SEMA3D: variants seen among roughly 807,000 people sequenced by gnomAD.
SEMA3D encodes the protein semaphorin-3D.
Under a neutral mutation model 100.1 loss-of-function variants are expected in SEMA3D, and 84 were observed. The ratio of observed to expected loss-of-function variants is 0.84; its 90% confidence interval spans 0.70 to 1.01. The LOEUF (loss-of-function observed/expected upper bound fraction) is 1.01, where lower values mean the gene tolerates loss of function less well. SEMA3D is among the 50% of genes least tolerant of loss of function. SEMA3D has a pLI of 0.00. For missense variants in SEMA3D, 875 were observed against 934.1 expected (o/e 0.94, Z 0.82); for synonymous variants, 312 against 320.7 (o/e 0.97, Z 0.29).
chr7:85,152,680 C>A (rs1029500483), intron 2 of SEMA3D, among the ~76,000 whole-genome samples: 4 of 152,036 alleles, frequency 2.6e-5, no homozygotes, highest in African/African-American at 9.7e-5. Flanking sequence ...GATGAATAAT[C>A]TCATCAAAAT....
intron 3 of SEMA3D, among the ~76,000 whole-genome samples, chr7:85,114,971 TA>T (rs570621552): frequency 5.9e-5 from 9 of 152,152 alleles, no homozygotes; most frequent in African/African-American, 2.2e-4. Flanking sequence ...CAATTGACTT[TA>T]AAAAAATAAG....
chr7:85,063,094 G>A (rs903775229), intron 8 of SEMA3D, among the ~76,000 whole-genome samples: 4 of 152,180 alleles, frequency 2.6e-5, no homozygotes, highest in African/African-American at 7.2e-5. Context: ...TAGACTTCCC[G>A]ATATGATTTA....
At chr7:85,103,738 A>G (rs1200032061) in intron 3 of SEMA3D, among the ~76,000 whole-genome samples, 1 of 152,088 alleles carries the variant, frequency 6.6e-6, no homozygotes, top group Non-Finnish European at 1.5e-5. Flanking sequence ...CTAGCAACAC[A>G]GTTTTGGAAA....
intron 2 of SEMA3D, chr7:85,144,242 T>G (rs1296046113): frequency 6.3e-6 from 1 of 157,768 alleles, no homozygotes; most frequent in Admixed American, 6.5e-5. Context: ...AAAAATTGGT[T>G]TGTATTCTGA....
chr7:85,165,623 T>C (rs1162223989), intron 1 of SEMA3D, among the ~76,000 whole-genome samples: 1 of 152,110 alleles, frequency 6.6e-6, no homozygotes, highest in African/African-American at 2.4e-5. Context: ...TCACCCACAA[T>C]AGTTTCATCA....
At chr7:85,138,497 G>T (rs1789929167) in intron 2 of SEMA3D, among the ~76,000 whole-genome samples, 1 of 149,970 alleles carries the variant, frequency 6.7e-6, no homozygotes, top group African/African-American at 2.5e-5. Context: ...TTTTTGTTTT[G>T]CTTTTTGATT....
chr7:85,031,194 T>C (rs1029160375), intron 12 of SEMA3D, among the ~76,000 whole-genome samples: 2 of 151,996 alleles, frequency 1.3e-5, no homozygotes, highest in Non-Finnish European at 2.9e-5. Flanking sequence ...ACACTGAAAG[T>C]TGTAGTGTTT....
intron 3 of SEMA3D, among the ~76,000 whole-genome samples, chr7:85,118,958 A>G (rs1018598440): frequency 1.1e-4 from 16 of 152,184 alleles, no homozygotes; most frequent in African/African-American, 3.6e-4. Context: ...GGACATGAAC[A>G]GACACTTTTC....
At chr7:85,065,366 C>T (rs1791585965) in intron 8 of SEMA3D, 58 bp downstream of exon 8, 2 of 1,486,708 alleles carry the variant, frequency 1.3e-6, no homozygotes, top group African/African-American at 1.4e-5. Context: ...TAATACACTT[C>T]TTATCTATCT....
chr7:85,208,370 G>T, the SEMA3D span, among the ~76,000 whole-genome samples: 1 of 151,824 alleles, frequency 6.6e-6, no homozygotes, highest in Non-Finnish European at 1.5e-5. Context: ...ATAACTGCAG[G>T]AATAAAGAAG....
At chr7:85,163,862 A>T (rs191423243) in intron 1 of SEMA3D, among the ~76,000 whole-genome samples, 9 of 152,266 alleles carry the variant, frequency 5.9e-5, no homozygotes, top group East Asian at 3.9e-4. Context: ...ATTTTTGCCA[A>T]TCTTTCAAAT....
At position 85,182,616 on chromosome 7, in the gene SEMA3D, C is replaced by A. The variant is rs142297581; in HGVS notation, c.-173+4062G>T. ...GTTTGAAAATAGACTATTAGCTTGA[C>A]AGGTATGGCAAATGTATAAAAATTA... On this transcript the variant is annotated intron_variant, in intron 1 of 18. Transcript: ENST00000284136. Among the ~76,000 whole-genome samples, 922 of 152,210 alleles carry A rather than the reference C, an allele frequency of 6.1e-3. 14 individuals carry two copies. Among genetic ancestry groups the A allele is most frequent in the African/African-American group, 0.021 (871 of 41,554 alleles).
intron 1 of SEMA3D, among the ~76,000 whole-genome samples, chr7:85,168,194 C>A (rs1047987679): frequency 1.3e-5 from 2 of 151,754 alleles, no homozygotes; most frequent in Non-Finnish European, 2.9e-5. Context: ...CCCATCTCTA[C>A]CTACAGAGCC....
chr7:85,222,038 C>G, the SEMA3D span, among the ~76,000 whole-genome samples: 4 of 151,998 alleles, frequency 2.6e-5, no homozygotes, highest in African/African-American at 9.7e-5. Flanking sequence ...ATTTAGCTGT[C>G]TATTCTCAAG....
the SEMA3D span, among the ~76,000 whole-genome samples, chr7:85,201,930 G>A: frequency 6.6e-6 from 1 of 151,840 alleles, no homozygotes; most frequent in Non-Finnish European, 1.5e-5. Flanking sequence ...GTGTTGCCCA[G>A]ACTGGTCTAG....
At chr7:85,033,577 G>A (rs925444099) in intron 12 of SEMA3D, among the ~76,000 whole-genome samples, 7 of 151,828 alleles carry the variant, frequency 4.6e-5, no homozygotes, top group Non-Finnish European at 1.0e-4. Context: ...TCAACTGCTG[G>A]GTCTACATAT....
intron 5 of SEMA3D, among the ~76,000 whole-genome samples, chr7:85,080,415 T>A (rs1453706308): frequency 6.6e-6 from 1 of 152,172 alleles, no homozygotes; most frequent in East Asian, 1.9e-4. Flanking sequence ...TTCTATCACA[T>A]TGATAGAGGA....
chr7:85,116,136 T>C (rs991334029), intron 3 of SEMA3D, among the ~76,000 whole-genome samples: 1 of 151,156 alleles, frequency 6.6e-6, no homozygotes, highest in African/African-American at 2.4e-5. Context: ...CTTTACCCTA[T>C]ATAAACTTGT....
the SEMA3D span, among the ~76,000 whole-genome samples, chr7:85,223,768 G>T: frequency 6.6e-6 from 1 of 152,060 alleles, no homozygotes; most frequent in Non-Finnish European, 1.5e-5. Context: ...TCTGGGAGGG[G>T]TGAGGGGGGT....
Sources: gnomAD v4.1 joint callset for allele counts (sites outside exome capture counted in the v4.1 genomes callset) on GRCh38, gnomAD v4.1.1 for gene constraint, MANE v1.5 for transcripts, NCBI Gene and HGNC (gene_info 2026-07-23, HGNC 2026-07-21) for gene names.